The following C1orf21 variants were observed in gnomAD, a reference collection of about 807,000 sequenced individuals.
The protein encoded by C1orf21 is uncharacterized protein C1orf21.
In C1orf21, 3 loss-of-function variants were observed where a neutral mutation model predicts 18.7. The ratio of observed to expected loss-of-function variants is 0.16; its 90% CI spans 0.07 to 0.42. The LOEUF is 0.42. Among genes scored for constraint, C1orf21 ranks in the 10% least tolerant of loss-of-function variants. The probability of loss-of-function intolerance (pLI) is 0.99; values close to 1 mark genes in which losing one functional copy is unlikely to be tolerated. For synonymous variants in C1orf21, 41 were observed against 46.4 expected (o/e 0.88, Z 0.47); for missense variants, 104 against 143.6 (o/e 0.72, Z 1.41).
chr1:184,570,389 T>G (rs755082736), intron 3 of C1orf21, among the ~76,000 whole-genome samples: 5 of 152,206 alleles, frequency 3.3e-5, no homozygotes, highest in African/African-American at 4.8e-5. Context: ...GTAATGTTGT[T>G]TAAATTATCA....
chr1:184,476,506 A>G (rs191666126), intron 1 of C1orf21, among the ~76,000 whole-genome samples: 4 of 152,204 alleles, frequency 2.6e-5, no homozygotes, highest in Non-Finnish European at 5.9e-5. Flanking sequence ...AAAAATGAGC[A>G]AGTTGAGCAG....
intron 5 of C1orf21, chr1:184,599,608 A>T (rs1659560175): frequency 6.6e-6 from 1 of 151,834 alleles, no homozygotes; most frequent in Non-Finnish European, 1.5e-5. Flanking sequence ...AAGTATAATA[A>T]TTTTTTTTTA....
chr1:184,586,904 T>C lies in C1orf21; in HGVS notation c.190-3835T>C, dbSNP rs1659362253. Among the ~76,000 whole-genome samples, 3 of 152,212 alleles carry C rather than the reference T, an allele frequency of 2.0e-5. 1 individual carries two copies. The South Asian group carries it at 6.2e-4, about 32-fold the overall frequency. ...TTGCCTAGGTTGTCTTCCAGAGTTT[T>C]TATAGTTTTGGGTTTTACATTTAAG... is the stretch of plus-strand genomic sequence containing the variant. On this transcript the variant is annotated intron_variant, in intron 3 of 5. Transcript: ENST00000235307.
chr1:184,472,132 A>T (rs549413034), intron 1 of C1orf21, among the ~76,000 whole-genome samples: 1 of 151,798 alleles, frequency 6.6e-6, no homozygotes, highest in South Asian at 2.1e-4. Flanking sequence ...TTAGTTATTT[A>T]TATATATATA....
intron 2 of C1orf21, among the ~76,000 whole-genome samples, chr1:184,502,709 A>G (rs1657995512): frequency 6.6e-6 from 1 of 152,158 alleles, no homozygotes; most frequent in Non-Finnish European, 1.5e-5. Flanking sequence ...GACACCTTTC[A>G]TGTCTAGTCT....
chr1:184,501,537 C>T (rs1400603441), intron 2 of C1orf21, among the ~76,000 whole-genome samples: 3 of 152,200 alleles, frequency 2.0e-5, no homozygotes, highest in Admixed American at 2.0e-4. Flanking sequence ...AAACTGTACA[C>T]ACTACTTTCT....
chr1:184,397,084 G>A (rs954930462), intron 1 of C1orf21, among the ~76,000 whole-genome samples: 1 of 152,186 alleles, frequency 6.6e-6, no homozygotes, highest in Non-Finnish European at 1.5e-5. Flanking sequence ...TTTCAGAGGT[G>A]TGATAGAAAA....
chr1:184,422,006 A>G (rs1193654312), intron 1 of C1orf21, among the ~76,000 whole-genome samples: 1 of 152,216 alleles, frequency 6.6e-6, no homozygotes, highest in Non-Finnish European at 1.5e-5. Flanking sequence ...ATAAATGCCA[A>G]CTGTATATCC....
intron 1 of C1orf21, among the ~76,000 whole-genome samples, chr1:184,429,570 A>G (rs569185694): frequency 2.6e-5 from 4 of 152,244 alleles, no homozygotes; most frequent in African/African-American, 4.8e-5. Flanking sequence ...CATCTGGCAT[A>G]AAAGAATTAC....
chr1:184,435,173 G>C (rs1484610766), intron 1 of C1orf21, among the ~76,000 whole-genome samples: 2 of 152,134 alleles, frequency 1.3e-5, no homozygotes, highest in African/African-American at 4.8e-5. Flanking sequence ...TGGATGCCTT[G>C]ACTGAGATGA....
chr1:184,515,320 T>A (rs1480986966), intron 3 of C1orf21, among the ~76,000 whole-genome samples: 1 of 152,158 alleles, frequency 6.6e-6, no homozygotes, highest in Non-Finnish European at 1.5e-5. Context: ...AAAAGGGAGA[T>A]AACAATAATA....
intron 3 of C1orf21, among the ~76,000 whole-genome samples, chr1:184,509,614 C>T (rs955391298): frequency 3.9e-5 from 6 of 152,120 alleles, no homozygotes; most frequent in Admixed American, 2.6e-4. Flanking sequence ...ATTGACCATA[C>T]ACATCATTTG....
intron 1 of C1orf21, among the ~76,000 whole-genome samples, chr1:184,445,880 AT>A (rs1657022491): frequency 6.6e-6 from 1 of 152,204 alleles, no homozygotes; most frequent in African/African-American, 2.4e-5. Flanking sequence ...TATCATAACA[AT>A]TACATTAACA....
At chr1:184,487,880 G>T (rs554706856) in intron 2 of C1orf21, among the ~76,000 whole-genome samples, 1 of 152,166 alleles carries the variant, frequency 6.6e-6, no homozygotes, top group Non-Finnish European at 1.5e-5. Flanking sequence ...AGACTAAAAT[G>T]TATTAATATT....
intron 2 of C1orf21, 23 bp downstream of exon 2, chr1:184,477,626 C>T: frequency 6.3e-7 from 1 of 1,594,824 alleles, no homozygotes; most frequent in Non-Finnish European, 8.6e-7. Context: ...AAACTTGACT[C>T]TTGACCCATT....
rs1659947683 is a variant in C1orf21 at position 184,622,965 on chromosome 1, T to C, written c.*3409T>C. On this transcript the variant is annotated 3_prime_UTR_variant, in exon 6 of 6. Coordinates refer to ENST00000235307, the MANE Select transcript of C1orf21 (RefSeq NM_030806.4). Reference sequence around the variant, plus strand: ...TTGGTCCCATGTGATGTCATCCTGCTTTGTTATCTTCTTATAACTTTATCC... The same window carrying C: ...TTGGTCCCATGTGATGTCATCCTGCCTTGTTATCTTCTTATAACTTTATCC... 6.6e-6 allele frequency: 1 copy of C among 152,326 alleles called. No homozygotes were observed. The highest frequency in any genetic ancestry group is 1.5e-5 in the Non-Finnish European group (1 of 68,104). The allele number at this position is 152,326 out of a possible 1,614,324, so 9.4% of individuals were successfully genotyped here. A position where few individuals can be genotyped will look rare whatever the true frequency, so the allele number is the denominator to read the frequency against.
chr1:184,490,929 GAA>G (rs199789528), intron 2 of C1orf21, among the ~76,000 whole-genome samples: 16 of 141,700 alleles, frequency 1.1e-4, no homozygotes, highest in African/African-American at 4.1e-4. Flanking sequence ...GAAGTTTTGT[GAA>G]AAAAAAAAAG....
intron 2 of C1orf21, among the ~76,000 whole-genome samples, chr1:184,507,088 AGTT>A (rs1181416842): frequency 2.0e-5 from 3 of 151,966 alleles, no homozygotes; most frequent in Admixed American, 1.3e-4. Context: ...TCAATTCTTC[AGTT>A]GTTTCTATTT....
At chr1:184,568,217 A>G (rs1334233256) in intron 3 of C1orf21, among the ~76,000 whole-genome samples, 1 of 152,246 alleles carries the variant, frequency 6.6e-6, no homozygotes, top group African/African-American at 2.4e-5. Flanking sequence ...TTGTGGTAAA[A>G]TATACATAAT....
Sources: gnomAD v4.1 joint callset for allele counts (sites outside exome capture counted in the v4.1 genomes callset) on GRCh38, gnomAD v4.1.1 for gene constraint, MANE v1.5 for transcripts, NCBI Gene and HGNC (gene_info 2026-07-23, HGNC 2026-07-21) for gene names.